RIMBP2: variants seen among roughly 807,000 people sequenced by gnomAD.
The protein encoded by RIMBP2 is RIMS binding protein 2.
In RIMBP2, 48 loss-of-function variants were observed where a neutral mutation model predicts 118.6. The ratio of observed to expected loss-of-function variants is 0.40; its 90% CI spans 0.32 to 0.51. The LOEUF is 0.51. Among genes scored for constraint, RIMBP2 ranks in the 20% least tolerant of loss-of-function variants. RIMBP2 has a pLI of 0.41. For missense variants in RIMBP2, 1,551 were observed against 1,768.3 expected, an observed-to-expected ratio of 0.88 and a Z score of 2.20; for synonymous variants, 762 against 742.9, an observed-to-expected ratio of 1.03 and a Z score of -0.42.
chr12:130,524,561 T>C (rs1269880704), intron 2 of RIMBP2, among the ~76,000 whole-genome samples: 2 of 152,210 alleles, frequency 1.3e-5, no homozygotes, highest in Admixed American at 6.5e-5. Flanking sequence ...GGCGAGGACT[T>C]CATGAACCTC....
At chr12:130,461,298 C>T (rs757629989) in intron 6 of RIMBP2, among the ~76,000 whole-genome samples, 4 of 152,180 alleles carry the variant, frequency 2.6e-5, no homozygotes, top group South Asian at 2.1e-4. Context: ...CAGCAAATCA[C>T]CGTGTGGACA....
At chr12:130,477,074 C>G (rs118048148) in intron 5 of RIMBP2, among the ~76,000 whole-genome samples, 1,908 of 152,308 alleles carry the variant, frequency 0.013, 25 homozygotes, top group Non-Finnish European at 0.019. Flanking sequence ...TTGGCCCATT[C>G]ATATTTCATC....
Position 130,447,811 on chromosome 12 carries a change from G to A in RIMBP2, c.581+2389C>T, listed in dbSNP as rs1031284295. Among the ~76,000 whole-genome samples the A allele has an allele frequency of 4.6e-5, 7 of 152,330 alleles. No individual in the cohort carries two copies. The highest frequency in any genetic ancestry group is 3.4e-3 in the Middle Eastern group (1 of 294). On this transcript the variant is annotated intron_variant, in intron 9 of 22. Transcript: ENST00000690449. The surrounding 1 kb of genome is among the most constrained non-coding windows in gnomAD (Gnocchi z 4.4). ...CGGAGGCTGCACCAGATGGAAGGGA[G>A]GAGACATGGACACAGAGGCAGCCCC...
chr12:130,680,166 G>A (rs2064709885), intron 1 of RIMBP2, among the ~76,000 whole-genome samples: 1 of 152,264 alleles, frequency 6.6e-6, no homozygotes, highest in African/African-American at 2.4e-5. Flanking sequence ...GAGAAAACTA[G>A]TCCAACTTCT....
chr12:130,657,698 TGCGGGGGGCA>T (rs2063486554), intron 1 of RIMBP2: 1 of 76,540 alleles, frequency 1.3e-5, no homozygotes. Context: ...GAGCCCCAGC[TGCGGGGGGCA>T]GTGAGGGCGG....
intron 2 of RIMBP2, among the ~76,000 whole-genome samples, chr12:130,539,951 TAGATGAGGTGGC>T (rs1566227599): frequency 4.5e-5 from 5 of 112,110 alleles, no homozygotes; most frequent in African/African-American, 1.7e-4. Context: ...GCAAATGCAG[TAGATGAGGTGGC>T]CAGGTGTAGG....
chr12:130,441,414 A>AATC (rs1259117920), intron 11 of RIMBP2, among the ~76,000 whole-genome samples: 112 of 75,732 alleles, frequency 1.5e-3, no homozygotes, highest in East Asian at 7.8e-3. Flanking sequence ...TAATAATAAT[A>AATC]ATAATAATAA....
chr12:130,641,466 C>T (rs374461771), intron 1 of RIMBP2, among the ~76,000 whole-genome samples: 4,556 of 136,948 alleles, frequency 0.033, 34 homozygotes, highest in East Asian at 0.15. Context: ...CCCGGCATCA[C>T]GGGCTGGATT....
chr12:130,543,596 C>T (rs939079329), intron 2 of RIMBP2, among the ~76,000 whole-genome samples: 1 of 152,004 alleles, frequency 6.6e-6, no homozygotes, highest in African/African-American at 2.4e-5. Flanking sequence ...TATGAAGATG[C>T]CTCACGAGGA....
At chr12:130,412,469 C>A in intron 19 of RIMBP2, 150 bp downstream of exon 19, 1 of 746,506 alleles carries the variant, frequency 1.3e-6, no homozygotes, top group Non-Finnish European at 2.1e-6. Flanking sequence ...TGGCTTTTGC[C>A]CAAGAAAAAT....
intron 11 of RIMBP2, among the ~76,000 whole-genome samples, chr12:130,438,859 C>T (rs922703333): frequency 6.6e-6 from 1 of 152,138 alleles, no homozygotes; most frequent in Non-Finnish European, 1.5e-5. Context: ...GGGTCTCAGG[C>T]CTGGCCAGGC....
chr12:130,498,525 A>G (rs1374237254), intron 4 of RIMBP2, among the ~76,000 whole-genome samples: 6 of 152,050 alleles, frequency 3.9e-5, no homozygotes, highest in Admixed American at 3.3e-4. Context: ...GCAAGTGACC[A>G]GCAAGGGGGC....
At chr12:130,531,890 C>A (rs1037728203) in intron 2 of RIMBP2, among the ~76,000 whole-genome samples, 1 of 150,416 alleles carries the variant, frequency 6.6e-6, no homozygotes, top group Admixed American at 6.6e-5. Flanking sequence ...TAATGAGATG[C>A]GTATGTTTAG....
At chr12:130,611,460 C>T (rs1370702802) in intron 2 of RIMBP2, among the ~76,000 whole-genome samples, 8 of 152,342 alleles carry the variant, frequency 5.3e-5, no homozygotes, top group Admixed American at 3.3e-4. Context: ...CTTCATTTAC[C>T]CGCATCTCTG....
intron 1 of RIMBP2, among the ~76,000 whole-genome samples, chr12:130,704,187 G>A (rs1223971062): frequency 1.3e-5 from 2 of 152,164 alleles, no homozygotes; most frequent in Non-Finnish European, 2.9e-5. Flanking sequence ...CGAGGACCGA[G>A]GAGGCAGAGG....
intron 1 of RIMBP2, among the ~76,000 whole-genome samples, chr12:130,673,733 G>A (rs1383564897): frequency 1.3e-5 from 2 of 152,172 alleles, no homozygotes; most frequent in Non-Finnish European, 2.9e-5. Flanking sequence ...CTGGTGGGAG[G>A]TGCCTGGATC....
intron 2 of RIMBP2, among the ~76,000 whole-genome samples, chr12:130,604,440 G>A (rs1315035185): frequency 1.3e-5 from 2 of 149,406 alleles, no homozygotes; most frequent in Non-Finnish European, 3.0e-5. Flanking sequence ...CAGTCGTGCA[G>A]TGGAACATCC....
rs752818365 is a variant in RIMBP2 at position 130,437,208 on chromosome 12, G to A, written c.1740C>T (p.Thr580=). 20 of 1,584,950 alleles carry A rather than the reference G, an allele frequency of 1.3e-5. No individual in the cohort carries two copies. Among genetic ancestry groups the A allele is most frequent in the African/African-American group, 1.2e-4 (9 of 74,524 alleles). Residue 580 remains threonine (T), a synonymous_variant, in exon 13 of 23, where the codon ACC becomes ACT. Coordinates refer to ENST00000690449, the MANE Select transcript of RIMBP2 (RefSeq NM_001393629.1). ...CGCCCTGGGCGGAGAGGGTCCGCACGGTCACGCCCTTGGCCTCCAGGCTCC... is the reference window on the plus strand; with the variant it reads ...CGCCCTGGGCGGAGAGGGTCCGCACAGTCACGCCCTTGGCCTCCAGGCTCC... ...RLRSLEAKGV[T]VRTLSAQGES... is the part of the protein sequence containing the mutation.
rs931547509 is a variant in RIMBP2, at chr12:130,511,807, A to G, written c.-126-5037T>C. Among the ~76,000 whole-genome samples, 1 of 152,012 alleles carries G rather than the reference A, an allele frequency of 6.6e-6. No homozygotes were observed. The highest frequency in any genetic ancestry group is 2.4e-5 in the African/African-American group (1 of 41,394). ...GTGGGGATGCGACCCTTCGAGATGG[A>G]ATACCACCTGTCTCGGTGTCAAGGA... is the stretch of plus-strand genomic sequence containing the variant. On this transcript the variant is annotated intron_variant, in intron 3 of 22. Coordinates refer to ENST00000690449, the MANE Select transcript of RIMBP2 (RefSeq NM_001393629.1). The surrounding 1 kb of genome is among the most constrained non-coding windows in gnomAD (Gnocchi z 4.3).
Sources: gnomAD v4.1 joint callset for allele counts (sites outside exome capture counted in the v4.1 genomes callset) on GRCh38, gnomAD v4.1.1 for gene constraint, Gnocchi (gnomAD v3.1) non-coding constraint, MANE v1.5 for transcripts, NCBI Gene and HGNC (gene_info 2026-07-23, HGNC 2026-07-21) for gene names.